Variants in TACR2 observed in about 807,000 individuals in gnomAD.
The protein encoded by TACR2 is tachykinin receptor 2, also known as substance-K receptor.
In TACR2, 24 loss-of-function variants were observed where a neutral mutation model predicts 28.9. That is an observed-to-expected ratio of 0.83 (90% CI 0.60 to 1.17). The LOEUF (loss-of-function observed/expected upper bound fraction) is 1.17, where lower values mean the gene tolerates loss of function less well. TACR2 is among the 50% of genes most tolerant of loss of function. TACR2 has a pLI of 0.00. For synonymous variants in TACR2, 222 were observed against 212.6 expected (o/e 1.04, Z -0.38); for missense variants, 487 against 524.4 (o/e 0.93, Z 0.70).
Position 69,415,018 on chromosome 10 carries a change from C to A in TACR2, c.514G>T (p.Val172Phe). 1 of 1,613,892 alleles carries A rather than the reference C, an allele frequency of 6.2e-7. No homozygotes were observed. The highest frequency in any genetic ancestry group is 8.5e-7 in the Non-Finnish European group (1 of 1,180,026). Residue 172 changes from valine (V) to phenylalanine (F), a missense_variant, in exon 2 of 5, where the codon GTC becomes TTC. By Grantham distance (50) the Val-to-Phe change is conservative. Coordinates refer to ENST00000373306, the MANE Select transcript of TACR2 (RefSeq NM_001057.3). Reference protein sequence around the residue: ...LASPQCFYSTVTMDQGATKCV... With the variant: ...LASPQCFYSTFTMDQGATKCV... ...TTGGTGGCACCCTGGTCCATGGTGA[C>A]GGTGGAGTAGAAGCACTGAGGGGAG...
rs780509295 is a variant in TACR2, at chr10:69,414,960, C to T, written c.572G>A (p.Gly191Asp). The change falls in exon 2 of 5, where the codon GGC becomes GAC. Residue 191 changes from glycine to aspartate, a missense_variant. By Grantham distance (94) the Gly-to-Asp change is moderately conservative (BLOSUM62 -1). Coordinates refer to ENST00000373306, the MANE Select transcript of TACR2 (RefSeq NM_001057.3). ...GAGGCCTTACAGGAGGAGCGTCTTG[C>T]CCCCGCTGTCTTCGGGCCAGGCCAC... ...CVVAWPEDSG[G>D]KTLLLYHLVV... 87 of 1,611,940 alleles carry T rather than the reference C, an allele frequency of 5.4e-5. No homozygotes were observed. Among genetic ancestry groups the T allele is most frequent in the Non-Finnish European group, 5.9e-5 (70 of 1,178,888 alleles).
intron 2 of TACR2, among the ~76,000 whole-genome samples, chr10:69,409,896 T>TATATATATATAC (rs1453338217): frequency 2.7e-4 from 4 of 14,840 alleles, no homozygotes; most frequent in South Asian, 4.6e-3. Flanking sequence ...TATACATATA[T>TATATATATATAC]ATATATACAT....
intron 4 of TACR2, among the ~76,000 whole-genome samples, chr10:69,406,027 T>C (rs760966526): frequency 1.3e-4 from 20 of 152,314 alleles, no homozygotes; most frequent in Middle Eastern, 6.8e-3. Context: ...TATTATCTAC[T>C]TCCCTCTCAG....
At chr10:69,413,133 A>T (rs558722219) in intron 2 of TACR2, among the ~76,000 whole-genome samples, 17 of 152,246 alleles carry the variant, frequency 1.1e-4, no homozygotes, top group African/African-American at 3.9e-4. Context: ...GTGTGTGCGC[A>T]TGTTCCTGAA....
At chr10:69,409,173 G>A in intron 2 of TACR2, 98 bp from the exon 3 acceptor site, 3 of 1,276,424 alleles carry the variant, frequency 2.4e-6, no homozygotes, top group Non-Finnish European at 3.1e-6. Context: ...CTGTGGAGCC[G>A]CCCCTGCGGG....
At chr10:69,410,159 C>T (rs4644560) in intron 2 of TACR2, among the ~76,000 whole-genome samples, 1 of 151,258 alleles carries the variant, frequency 6.6e-6, no homozygotes, top group Admixed American at 6.6e-5. Flanking sequence ...AGTACCATTG[C>T]GTGGCTTCCT....
intron 4 of TACR2, 31 bp from the exon 5 acceptor site, chr10:69,405,115 G>T: frequency 6.3e-7 from 1 of 1,591,208 alleles, no homozygotes; most frequent in South Asian, 1.1e-5. Context: ...TTGAGCCAGG[G>T]AGTTAGGGGC....
Position 69,404,543 on chromosome 10 carries a change from G to T in TACR2, c.*283C>A. The T allele has an allele frequency of 3.5e-6, 1 of 283,436 alleles. No homozygotes were observed. The highest frequency in any genetic ancestry group is 6.5e-6 in the Non-Finnish European group (1 of 153,224). 17.6% of individuals were successfully genotyped at this position (283,436 alleles called of 1,614,324 possible). A position where few individuals can be genotyped will look rare whatever the true frequency, so the allele number is the denominator to read the frequency against. Reference sequence around the variant, plus strand: ...TCTGGTGGCTGGAATATCCAAGATTGGGCAGCTGCATCTGGTGAAGGCCTC... The same window carrying T: ...TCTGGTGGCTGGAATATCCAAGATTTGGCAGCTGCATCTGGTGAAGGCCTC... On this transcript the variant is annotated 3_prime_UTR_variant, in exon 5 of 5. Transcript: ENST00000373306.
At chr10:69,409,935 ATATATAT>A (rs1564581189) in intron 2 of TACR2, among the ~76,000 whole-genome samples, 19 of 112,592 alleles carry the variant, frequency 1.7e-4, no homozygotes, top group African/African-American at 5.8e-4. Flanking sequence ...ATATATATAT[ATATATAT>A]AATCTGTATC....
chr10:69,409,094 C>A lies in TACR2; in HGVS notation c.588-19G>T. On this transcript the variant is annotated intron_variant, in intron 2 of 4. Coordinates refer to ENST00000373306, the MANE Select transcript of TACR2 (RefSeq NM_001057.3). ...GTGGTACCTGCAGGGAGAGCCGAGGCCTGGGCAGCGGAGGGCCCGGGGGCG... is the reference window on the plus strand; with the variant it reads ...GTGGTACCTGCAGGGAGAGCCGAGGACTGGGCAGCGGAGGGCCCGGGGGCG... 1.3e-6 allele frequency: 2 copies of A among 1,569,182 alleles called. No individual in the cohort carries two copies. The highest frequency in any genetic ancestry group is 1.4e-5 in the African/African-American group (1 of 72,382).
At chr10:69,405,289 G>C (rs1291389231) in intron 4 of TACR2, among the ~76,000 whole-genome samples, 1 of 152,192 alleles carries the variant, frequency 6.6e-6, no homozygotes, top group East Asian at 1.9e-4. Flanking sequence ...CTGGAGCTGG[G>C]TCTAGTGAAT....
At chr10:69,409,171 C>A in intron 2 of TACR2, 96 bp from the exon 3 acceptor site, 2 of 1,318,844 alleles carry the variant, frequency 1.5e-6, no homozygotes, top group Non-Finnish European at 2.0e-6. Context: ...CACTGTGGAG[C>A]CGCCCCTGCG....
chr10:69,414,314 TAGAG>T (rs1177661775), intron 2 of TACR2, among the ~76,000 whole-genome samples: 10 of 152,180 alleles, frequency 6.6e-5, no homozygotes, highest in Non-Finnish European at 2.9e-5. Context: ...CCTGAGCATA[TAGAG>T]AGTCTCCCCC....
intron 2 of TACR2, among the ~76,000 whole-genome samples, chr10:69,410,343 C>T (rs1452827345): frequency 1.3e-5 from 2 of 150,110 alleles, no homozygotes; most frequent in African/African-American, 4.9e-5. Flanking sequence ...ATAGTGAGAC[C>T]CTATCTCTAT....
intron 1 of TACR2, among the ~76,000 whole-genome samples, chr10:69,415,579 C>A (rs1470867882): frequency 6.6e-6 from 1 of 151,446 alleles, no homozygotes; most frequent in Non-Finnish European, 1.5e-5. Flanking sequence ...AAAAAAAAAA[C>A]TGTATAAGAC....
At chr10:69,406,159 C>G (rs1001279450) in intron 4 of TACR2, among the ~76,000 whole-genome samples, 11 of 152,194 alleles carry the variant, frequency 7.2e-5, no homozygotes, top group Admixed American at 1.3e-4. Context: ...AGCCTGGCTA[C>G]CTGGCCAGGG....
At chr10:69,409,905 A>G (rs1339465852) in intron 2 of TACR2, among the ~76,000 whole-genome samples, 1 of 8,598 alleles carries the variant, frequency 1.2e-4, no homozygotes, top group Admixed American at 8.8e-4. Flanking sequence ...ATATATATAC[A>G]TATATATATA....
Position 69,404,747 on chromosome 10 carries a change from A to T in TACR2, c.*79T>A. On this transcript the variant is annotated 3_prime_UTR_variant, in exon 5 of 5. Coordinates refer to ENST00000373306, the MANE Select transcript of TACR2 (RefSeq NM_001057.3). ...TGATTCACTTCAACTGGAAGGCATTAATCTATTCATAAGGGATCCATCCCC... is the reference window on the plus strand; with the variant it reads ...TGATTCACTTCAACTGGAAGGCATTTATCTATTCATAAGGGATCCATCCCC... The T allele has an allele frequency of 1.5e-6, 1 of 655,918 alleles. No homozygotes were observed. The highest frequency in any genetic ancestry group is 3.0e-4 in the Middle Eastern group (1 of 3,288). The allele number at this position is 655,918 out of a possible 1,614,324, so 40.6% of individuals were successfully genotyped here.
At chr10:69,405,373 A>AAACC (rs886676910) in intron 4 of TACR2, among the ~76,000 whole-genome samples, 10 of 150,272 alleles carry the variant, frequency 6.7e-5, no homozygotes, top group African/African-American at 2.3e-4. Context: ...ATTACTAAAA[A>AAACC]AACCAACCAA....
Sources: allele counts gnomAD v4.1 joint callset (sites outside exome capture counted in the v4.1 genomes callset), GRCh38; gene constraint gnomAD v4.1.1; transcripts MANE v1.5; gene names NCBI Gene and HGNC (gene_info 2026-07-23, HGNC 2026-07-21).